The following ROBO1 variants were observed in gnomAD, a reference collection of about 807,000 sequenced individuals.
The protein encoded by ROBO1 is roundabout homolog 1.
Under a neutral mutation model 195.9 loss-of-function variants are expected in ROBO1, and 149 were observed. That is an observed-to-expected ratio of 0.76 (90% CI 0.67 to 0.87). ROBO1 has a LOEUF of 0.87. ROBO1 is among the 40% of genes least tolerant of loss of function. The pLI is 0.00. For missense variants in ROBO1, 1,933 were observed against 2,068.3 expected (o/e 0.93, Z 1.27); for synonymous variants, 816 against 733.2 (o/e 1.11, Z -1.82).
At chr3:78,870,069 T>G (rs2107131847) in intron 4 of ROBO1, among the ~76,000 whole-genome samples, 1 of 152,304 alleles carries the variant, frequency 6.6e-6, no homozygotes, top group South Asian at 2.1e-4. Flanking sequence ...AAACAAAATC[T>G]TATGGAAAAT....
At chr3:78,647,424 T>A (rs1706370620) in intron 20 of ROBO1, among the ~76,000 whole-genome samples, 1 of 152,014 alleles carries the variant, frequency 6.6e-6, no homozygotes, top group African/African-American at 2.4e-5. Context: ...GAATTGTGAA[T>A]AAATAATTGC....
At chr3:79,110,900 G>C (rs1278757711) in intron 3 of ROBO1, among the ~76,000 whole-genome samples, 2 of 151,944 alleles carry the variant, frequency 1.3e-5, no homozygotes, top group Non-Finnish European at 2.9e-5. Context: ...TCACAGGTGT[G>C]AGCTACCATG....
intron 4 of ROBO1, among the ~76,000 whole-genome samples, chr3:78,929,387 T>A (rs2107637528): frequency 6.6e-6 from 1 of 152,256 alleles, no homozygotes; most frequent in African/African-American, 2.4e-5. Context: ...AAAGTAAAGG[T>A]TGCTAGGTCC....
chr3:79,660,788 G>T (rs193135125), intron 1 of ROBO1, among the ~76,000 whole-genome samples: 3 of 152,172 alleles, frequency 2.0e-5, no homozygotes, highest in African/African-American at 7.2e-5. Flanking sequence ...AGCAACCTCA[G>T]CCTGAAAAGC....
intron 2 of ROBO1, among the ~76,000 whole-genome samples, chr3:79,204,974 A>ATTAGTTAGTTAGTTAG (rs113126682): frequency 2.5e-4 from 37 of 150,446 alleles, no homozygotes; most frequent in African/African-American, 6.9e-4. Flanking sequence ...GACTTGGAGA[A>ATTAGTTAGTTAGTTAG]TTAGTTAGTT....
At chr3:79,245,671 T>C (rs879917235) in intron 2 of ROBO1, among the ~76,000 whole-genome samples, 14 of 151,448 alleles carry the variant, frequency 9.2e-5, no homozygotes, top group Non-Finnish European at 1.3e-4. Flanking sequence ...CAAAGTTACA[T>C]TGTAGAAGGT....
rs72903622 is a variant in ROBO1, at chr3:79,744,509, C to T, written c.-51+23243G>A. Among the ~76,000 whole-genome samples the T allele has an allele frequency of 7.3e-3, 1,114 of 152,176 alleles. 12 individuals carry two copies. The highest frequency in any genetic ancestry group is 0.025 in the African/African-American group (1,042 of 41,520). On this transcript the variant is annotated intron_variant, in intron 1 of 30. Coordinates refer to ENST00000464233, the MANE Select transcript of ROBO1 (RefSeq NM_002941.4). Reference sequence around the variant, plus strand: ...ATGGAGTCCTCTTGAATGGGTATAGCGACTTCATAAGAACAGGCCAGAGAT... The same window carrying T: ...ATGGAGTCCTCTTGAATGGGTATAGTGACTTCATAAGAACAGGCCAGAGAT...
intron 4 of ROBO1, among the ~76,000 whole-genome samples, chr3:78,815,057 T>C (rs2084857564): frequency 6.6e-6 from 1 of 152,072 alleles, no homozygotes; most frequent in Non-Finnish European, 1.5e-5. Flanking sequence ...TTAATAAATG[T>C]TTGTTCAGGT....
chr3:79,190,923 A>T (rs1345053770), intron 2 of ROBO1, among the ~76,000 whole-genome samples: 1 of 151,624 alleles, frequency 6.6e-6, no homozygotes, highest in African/African-American at 2.4e-5. Context: ...TATAACAGAG[A>T]TACATATAAA....
chr3:79,591,848 C>T (rs1944009050), intron 1 of ROBO1, among the ~76,000 whole-genome samples: 1 of 151,544 alleles, frequency 6.6e-6, no homozygotes, highest in African/African-American at 2.4e-5. Flanking sequence ...TTGGTTTCTG[C>T]TTGCCTAAGG....
intron 2 of ROBO1, among the ~76,000 whole-genome samples, chr3:79,569,845 T>C (rs1943221224): frequency 6.6e-6 from 1 of 152,012 alleles, no homozygotes; most frequent in Non-Finnish European, 1.5e-5. Flanking sequence ...ACTTCTGTAA[T>C]CCCAGCACTT....
intron 2 of ROBO1, among the ~76,000 whole-genome samples, chr3:79,528,640 T>C (rs1260543515): frequency 6.6e-6 from 1 of 152,304 alleles, no homozygotes; most frequent in East Asian, 1.9e-4. Flanking sequence ...CAAAAGTAAG[T>C]GTCTGTTGAA....
chr3:79,470,963 TAA>T (rs1938240024), intron 2 of ROBO1, among the ~76,000 whole-genome samples: 3 of 152,284 alleles, frequency 2.0e-5, no homozygotes, highest in African/African-American at 7.2e-5. Flanking sequence ...ACAATTATAA[TAA>T]AATGATATTA....
chr3:79,408,502 C>A (rs1429954519), intron 2 of ROBO1, among the ~76,000 whole-genome samples: 1 of 151,888 alleles, frequency 6.6e-6, no homozygotes, highest in East Asian at 1.9e-4. Context: ...CAGAAATAAA[C>A]ATGTAAATAA....
chr3:79,034,987 T>C lies in ROBO1; in HGVS notation c.172+90469A>G, dbSNP rs538057390. On this transcript the variant is annotated intron_variant, in intron 3 of 30. Transcript: ENST00000464233. ...AGTATATATTTCCATACTATTTAAG[T>C]TTTACAGCATGTGTTACTTTTAGAA... is the stretch of plus-strand genomic sequence containing the variant. Among the ~76,000 whole-genome samples the C allele has an allele frequency of 4.6e-5, 7 of 152,196 alleles. No individual in the cohort carries two copies. In the South Asian group the frequency reaches 1.4e-3, roughly 32 times the overall value.
intron 2 of ROBO1, among the ~76,000 whole-genome samples, chr3:79,333,243 T>G (rs928075260): frequency 6.6e-6 from 1 of 151,770 alleles, no homozygotes; most frequent in Admixed American, 6.6e-5. Flanking sequence ...AAATCAATTA[T>G]GATCACGAAG....
chr3:79,346,192 CA>C (rs1325350429), intron 2 of ROBO1, among the ~76,000 whole-genome samples: 4 of 150,126 alleles, frequency 2.7e-5, no homozygotes, highest in Non-Finnish European at 5.9e-5. Context: ...TACTGTAATT[CA>C]ATTTTTGAGT....
chr3:79,471,873 G>A (rs1379302852), intron 2 of ROBO1, among the ~76,000 whole-genome samples: 2 of 151,834 alleles, frequency 1.3e-5, no homozygotes, highest in African/African-American at 2.4e-5. Flanking sequence ...CTCATAAGTG[G>A]GAGTTAAACA....
intron 2 of ROBO1, among the ~76,000 whole-genome samples, chr3:79,150,902 GCCC>G (rs939676780): frequency 1.3e-5 from 2 of 151,528 alleles, no homozygotes; most frequent in African/African-American, 4.8e-5. Flanking sequence ...TTAATTCCCT[GCCC>G]CAGCCCCTCT....
Sources: gnomAD v4.1 joint callset for allele counts (sites outside exome capture counted in the v4.1 genomes callset) on GRCh38, gnomAD v4.1.1 for gene constraint, MANE v1.5 for transcripts, NCBI Gene and HGNC (gene_info 2026-07-23, HGNC 2026-07-21) for gene names.